Variants in NOVA1 observed in about 807,000 individuals in gnomAD.
NOVA1 encodes the protein NOVA alternative splicing regulator 1.
In NOVA1, 7 loss-of-function variants were observed where a neutral mutation model predicts 38.0. The observed-to-expected ratio is 0.18, with a 90% CI of 0.10 to 0.35. The LOEUF (loss-of-function observed/expected upper bound fraction) is 0.35. Among genes scored for constraint, NOVA1 ranks in the 10% least tolerant of loss-of-function variants. NOVA1 has a pLI of 1.00. For synonymous variants in NOVA1, 270 were observed against 232.5 expected (o/e 1.16, Z -1.47); for missense variants, 460 against 616.0 (o/e 0.75, Z 2.68).
At chr14:26,597,176 T>A in intron 1 of NOVA1, 125 bp downstream of exon 1, 2 of 1,177,458 alleles carry the variant, frequency 1.7e-6, no homozygotes, top group Non-Finnish European at 2.1e-6. Flanking sequence ...GGCCGCCGGG[T>A]TCGGGCTGGA....
In NOVA1 at chr14:26,444,016, T is replaced by C. The variant is rs1184466946; in HGVS notation, c.*3943A>G. On this transcript the variant is annotated 3_prime_UTR_variant, in exon 5 of 5. Transcript: ENST00000539517. ...TGGAGAAGACTTACAGTAAATAAAATTATTAAGTAAATAAACTTTACTTAA... is the reference window on the plus strand; with the variant it reads ...TGGAGAAGACTTACAGTAAATAAAACTATTAAGTAAATAAACTTTACTTAA... The C allele has an allele frequency of 1.3e-5, 2 of 152,012 alleles. No individual in the cohort carries two copies. The highest frequency in any genetic ancestry group is 2.4e-5 in the African/African-American group (1 of 41,412). 9.4% of individuals were successfully genotyped at this position (152,012 alleles called of 1,614,324 possible). A position where few individuals can be genotyped will look rare whatever the true frequency, so the allele number is the denominator to read the frequency against.
At chr14:26,518,549 T>C (rs1888646341) in intron 2 of NOVA1, among the ~76,000 whole-genome samples, 1 of 152,048 alleles carries the variant, frequency 6.6e-6, no homozygotes, top group Admixed American at 6.6e-5. Flanking sequence ...TTGTACATAT[T>C]AATGAGGTAT....
intron 2 of NOVA1, among the ~76,000 whole-genome samples, chr14:26,508,977 A>C (rs897959124): frequency 6.6e-6 from 1 of 152,100 alleles, no homozygotes; most frequent in Non-Finnish European, 1.5e-5. Flanking sequence ...AAAGAAAAAA[A>C]GCAAAGAGAG....
intron 2 of NOVA1, among the ~76,000 whole-genome samples, chr14:26,481,753 G>A (rs556979136): frequency 6.6e-6 from 1 of 151,906 alleles, no homozygotes; most frequent in South Asian, 2.1e-4. Flanking sequence ...ACATATTGTG[G>A]TTCCTGCATA....
chr14:26,589,819 T>C (rs953385615), intron 2 of NOVA1, among the ~76,000 whole-genome samples: 3 of 151,806 alleles, frequency 2.0e-5, no homozygotes, highest in Non-Finnish European at 4.4e-5. Flanking sequence ...ATCAATGTAG[T>C]TGAAAATATT....
In NOVA1 at chr14:26,448,618, A is replaced by G. The variant is rs750195228; in HGVS notation, c.865T>C (p.Leu289=). The G allele has an allele frequency of 1.5e-5, 24 of 1,614,128 alleles. No homozygotes were observed. The highest frequency in any genetic ancestry group is 4.4e-5 in the South Asian group (4 of 91,090). The part of the protein sequence containing the change: ...LPTAAAAAGL[L]GHANLAGVAA... Reference sequence around the variant, plus strand: ...ACGCCAGCAAGGTTAGCATGTCCTAATAGCCCTGCAGCTGCTGCAGCAGTT... The same window carrying G: ...ACGCCAGCAAGGTTAGCATGTCCTAGTAGCCCTGCAGCTGCTGCAGCAGTT... Residue 289 remains leucine, a synonymous_variant, in exon 5 of 5, where the codon TTA becomes CTA. Coordinates refer to ENST00000539517, the MANE Select transcript of NOVA1 (RefSeq NM_002515.3). This position sits in a 1 kb window ranked among gnomAD's most constrained non-coding sequence, Gnocchi z 5.3.
At chr14:26,531,533 G>A (rs963392539) in intron 2 of NOVA1, among the ~76,000 whole-genome samples, 2 of 152,154 alleles carry the variant, frequency 1.3e-5, no homozygotes, top group Non-Finnish European at 2.9e-5. Context: ...CTTGAACCCA[G>A]GTGGTGGAGG....
chr14:26,517,931 A>T (rs1006235978), intron 2 of NOVA1, among the ~76,000 whole-genome samples: 12 of 152,252 alleles, frequency 7.9e-5, no homozygotes, highest in African/African-American at 2.4e-4. Context: ...TGGAAGAAGT[A>T]TACAAAATCT....
chr14:26,557,827 C>G (rs2138670250), intron 2 of NOVA1, among the ~76,000 whole-genome samples: 3 of 152,046 alleles, frequency 2.0e-5, no homozygotes, highest in Middle Eastern at 6.8e-3. Context: ...TTTACAGCAG[C>G]TTTATTAATG....
At chr14:26,590,038 G>A (rs1356527934) in intron 2 of NOVA1, among the ~76,000 whole-genome samples, 1 of 151,856 alleles carries the variant, frequency 6.6e-6, no homozygotes, top group Admixed American at 6.6e-5. Flanking sequence ...GATACACACT[G>A]TTGCAGTTCC....
Position 26,448,917 on chromosome 14 carries a change from T to C in NOVA1, c.566A>G (p.Lys189Arg). The C allele has an allele frequency of 1.9e-6, 3 of 1,614,066 alleles. No homozygotes were observed. The highest frequency in any genetic ancestry group is 2.5e-6 in the Non-Finnish European group (3 of 1,179,996). Residue 189 changes from lysine to arginine, a missense_variant, in exon 5 of 5, where the codon AAG (lysine) becomes AGG (arginine). By Grantham distance (26) the Lys-to-Arg change is conservative (BLOSUM62 2). Coordinates refer to ENST00000539517, the MANE Select transcript of NOVA1 (RefSeq NM_002515.3). This position sits in a 1 kb window ranked among gnomAD's most constrained non-coding sequence, Gnocchi z 5.3. The stretch of plus-strand genomic sequence containing the variant: ...TACAGCCTTCACAGTAGCACCTCCC[T>C]TCCCTATTATCAGACCTGCTGTGCT... ...PNSTAGLIIG[K>R]GGATVKAVME... is the part of the protein sequence containing the mutation.
chr14:26,448,762 T>A lies in NOVA1; in HGVS notation c.721A>T (p.Ile241Leu). The A allele has an allele frequency of 6.2e-7, 1 of 1,614,160 alleles. No individual in the cohort carries two copies. Among genetic ancestry groups the A allele is most frequent in the South Asian group, 1.1e-5 (1 of 91,082 alleles). Reference sequence around the variant, plus strand: ...CTGCCACTTTGTGGATCCTCTTGTATCTTCTGGATGATAAGTTCAACAGCT... The same window carrying A: ...CTGCCACTTTGTGGATCCTCTTGTAACTTCTGGATGATAAGTTCAACAGCT... ...RKAVELIIQKIQEDPQSGSCL... is the reference protein window; with the variant it reads ...RKAVELIIQKLQEDPQSGSCL... Residue 241 changes from isoleucine (I) to leucine (L), a missense_variant, in exon 5 of 5, where the codon ATA becomes TTA. Coordinates refer to ENST00000539517, the MANE Select transcript of NOVA1 (RefSeq NM_002515.3). This position sits in a 1 kb window ranked among gnomAD's most constrained non-coding sequence, Gnocchi z 5.3.
intron 2 of NOVA1, among the ~76,000 whole-genome samples, chr14:26,487,761 C>A (rs1219368192): frequency 1.1e-4 from 17 of 151,996 alleles, no homozygotes; most frequent in Admixed American, 1.1e-3. Flanking sequence ...TGTCTTAATA[C>A]CATTAACATT....
intron 2 of NOVA1, among the ~76,000 whole-genome samples, chr14:26,572,089 A>G (rs1892516707): frequency 6.6e-6 from 1 of 152,194 alleles, no homozygotes; most frequent in Non-Finnish European, 1.5e-5. Context: ...TTTGTTTAAT[A>G]ATCAAAATGA....
At chr14:26,596,601 T>A in intron 1 of NOVA1, 1 of 1,289,130 alleles carries the variant, frequency 7.8e-7, no homozygotes, top group Non-Finnish European at 1.0e-6. Context: ...GGTGCATTGT[T>A]AAGATGATTC....
In NOVA1 at chr14:26,443,217, A is replaced by G. The variant is rs1566418233; in HGVS notation, c.*4742T>C. 2.0e-5 allele frequency: 3 copies of G among 152,036 alleles called. No homozygotes were observed. Among genetic ancestry groups the G allele is most frequent in the African/African-American group, 7.2e-5 (3 of 41,440 alleles). 9.4% of individuals were successfully genotyped at this position (152,036 alleles called of 1,614,324 possible). On this transcript the variant is annotated 3_prime_UTR_variant, in exon 5 of 5. Transcript: ENST00000539517. ...ACAGTTTTTGCTTGTTTATATATCT[A>G]TGGTAACCCAAGTATTGGCTTCTGT... is the stretch of plus-strand genomic sequence containing the variant.
At chr14:26,467,855 G>A (rs1254900063) in intron 4 of NOVA1, among the ~76,000 whole-genome samples, 2 of 152,140 alleles carry the variant, frequency 1.3e-5, no homozygotes, top group African/African-American at 2.4e-5. Flanking sequence ...AAGTAGGAAA[G>A]GAAGTAAGGT....
chr14:26,486,425 C>T (rs1483780765), intron 2 of NOVA1, among the ~76,000 whole-genome samples: 1 of 151,732 alleles, frequency 6.6e-6, no homozygotes, highest in Non-Finnish European at 1.5e-5. Flanking sequence ...CAAGTAGGTT[C>T]CGGGCCGGGC....
rs547470465 is a variant in NOVA1 at position 26,540,274 on chromosome 14, G to A, written c.280+55136C>T. Among the ~76,000 whole-genome samples, 14 of 152,230 alleles carry A rather than the reference G, an allele frequency of 9.2e-5. 1 individual carries two copies. The South Asian group carries it at 1.9e-3, about 20-fold the overall frequency. On this transcript the variant is annotated intron_variant, in intron 2 of 4. Coordinates refer to ENST00000539517, the MANE Select transcript of NOVA1 (RefSeq NM_002515.3). ...TCAACTGGGGCATTAGATTCTCACA[G>A]GAGTGCAAACCCTATTATGAACTGC...
Sources: allele counts gnomAD v4.1 joint callset (sites outside exome capture counted in the v4.1 genomes callset), GRCh38; gene constraint gnomAD v4.1.1; non-coding constraint Gnocchi (gnomAD v3.1); transcripts MANE v1.5; gene names NCBI Gene and HGNC (gene_info 2026-07-23, HGNC 2026-07-21).